The following CSMD1 variants were observed in gnomAD, a reference collection of about 807,000 sequenced individuals.
The protein encoded by CSMD1 is CUB and sushi domain-containing protein 1.
CSMD1 carries 213 observed loss-of-function variants against 417.5 expected under a neutral mutation model. The observed-to-expected ratio is 0.51, with a 90% CI of 0.46 to 0.57. The LOEUF (loss-of-function observed/expected upper bound fraction) is 0.57, where lower values mean the gene tolerates loss of function less well. CSMD1 is among the 20% of genes least tolerant of loss of function. The probability of loss-of-function intolerance (pLI) is 0.00; values close to 1 mark genes in which losing one functional copy is unlikely to be tolerated. For missense variants in CSMD1, 6,923 were observed against 4,529.7 expected (o/e 1.53, Z -15.17); for synonymous variants, 2,862 against 1,736.8 (o/e 1.65, Z -16.11).
intron 5 of CSMD1, among the ~76,000 whole-genome samples, chr8:3,946,586 A>G (rs975562817): frequency 7.9e-5 from 12 of 152,188 alleles, no homozygotes; most frequent in Admixed American, 3.3e-4. Flanking sequence ...AATAAATGAT[A>G]CATCCTTTTG....
intron 3 of CSMD1, among the ~76,000 whole-genome samples, chr8:4,376,395 C>G (rs1302613695): frequency 6.6e-6 from 1 of 152,110 alleles, no homozygotes; most frequent in African/African-American, 2.4e-5. Flanking sequence ...GTAACCCGTG[C>G]TGTGATTCTC....
intron 3 of CSMD1, among the ~76,000 whole-genome samples, chr8:4,404,884 T>A (rs1410414847): frequency 6.6e-6 from 1 of 152,150 alleles, no homozygotes; most frequent in Non-Finnish European, 1.5e-5. Flanking sequence ...ACTTCACATT[T>A]ATTTCGCTCA....
intron 6 of CSMD1, among the ~76,000 whole-genome samples, chr8:3,714,120 TATATAAC>T (rs1446216365): frequency 2.0e-5 from 3 of 150,178 alleles, no homozygotes; most frequent in East Asian, 1.9e-4. Flanking sequence ...AAAATATAAG[TATATAAC>T]ATATAAGTTT....
At chr8:3,869,733 C>T (rs958274049) in intron 5 of CSMD1, among the ~76,000 whole-genome samples, 1 of 151,974 alleles carries the variant, frequency 6.6e-6, no homozygotes, top group African/African-American at 2.4e-5. Context: ...CAGGACCCAC[C>T]CCAGCAGAAG....
chr8:3,782,177 T>C (rs1357945721), intron 5 of CSMD1, among the ~76,000 whole-genome samples: 1 of 152,178 alleles, frequency 6.6e-6, no homozygotes. Flanking sequence ...TCAAAGAAGT[T>C]CATGTCACAT....
intron 11 of CSMD1, among the ~76,000 whole-genome samples, chr8:3,472,121 C>T (rs1160553983): frequency 2.6e-5 from 4 of 152,088 alleles, no homozygotes; most frequent in Admixed American, 2.6e-4. Flanking sequence ...TCCCTGTGGG[C>T]AATCTGATAA....
chr8:4,126,851 G>C (rs1802792850), intron 3 of CSMD1, among the ~76,000 whole-genome samples: 1 of 152,120 alleles, frequency 6.6e-6, no homozygotes, highest in South Asian at 2.1e-4. Context: ...GTGGATGTTG[G>C]CAAAGATCAG....
At chr8:3,606,781 A>C (rs1006454086) in intron 8 of CSMD1, among the ~76,000 whole-genome samples, 2 of 148,514 alleles carry the variant, frequency 1.3e-5, no homozygotes, top group Non-Finnish European at 3.0e-5. Context: ...CGTGATCTCC[A>C]CTCAGCGCAA....
At chr8:4,042,682 T>C (rs1190445663) in intron 3 of CSMD1, among the ~76,000 whole-genome samples, 1 of 151,528 alleles carries the variant, frequency 6.6e-6, no homozygotes, top group African/African-American at 2.4e-5. Flanking sequence ...TAAAGCCAAA[T>C]AATATATATT....
At chr8:3,707,310 T>TTGAC (rs1801225443) in intron 7 of CSMD1, among the ~76,000 whole-genome samples, 2 of 151,900 alleles carry the variant, frequency 1.3e-5, no homozygotes, top group Non-Finnish European at 2.9e-5. Context: ...GTAAACAGAA[T>TTGAC]TGACCCGAGA....
In CSMD1 at chr8:4,084,732, C is replaced by G. The variant is rs532060997; in HGVS notation, c.416-52633G>C. On this transcript the variant is annotated intron_variant, in intron 3 of 69. Transcript: ENST00000635120. ...ACAGAAAAAGCAGCCCCTCTGCTCT[C>G]TTGCCCACCCCCACCCCCCTACCCA... Among the ~76,000 whole-genome samples the G allele has an allele frequency of 5.0e-3, 767 of 151,886 alleles. 5 individuals are homozygous for G. Among genetic ancestry groups the G allele is most frequent in the African/African-American group, 0.018 (732 of 41,368 alleles).
intron 2 of CSMD1, among the ~76,000 whole-genome samples, chr8:4,559,604 T>C (rs535037183): frequency 2.3e-4 from 35 of 152,332 alleles, no homozygotes; most frequent in African/African-American, 8.2e-4. Context: ...CAATGTTGTA[T>C]AAAATTATAA....
At chr8:4,861,733 A>G (rs997152190) in intron 1 of CSMD1, among the ~76,000 whole-genome samples, 1 of 152,152 alleles carries the variant, frequency 6.6e-6, no homozygotes, top group Non-Finnish European at 1.5e-5. Context: ...TACGTTAAAG[A>G]ATGTACAAAG....
At chr8:3,221,111 A>G (rs1798185193) in intron 28 of CSMD1, among the ~76,000 whole-genome samples, 1 of 152,136 alleles carries the variant, frequency 6.6e-6, no homozygotes, top group African/African-American at 2.4e-5. Flanking sequence ...TAAAATAGCA[A>G]CAGAAGTTCC....
At chr8:4,862,290 A>G (rs1462039528) in intron 1 of CSMD1, among the ~76,000 whole-genome samples, 4 of 152,080 alleles carry the variant, frequency 2.6e-5, no homozygotes, top group Admixed American at 1.3e-4. Context: ...AAGTGAGAGT[A>G]TCAATGTCCA....
At chr8:3,693,458 G>A (rs1177831253) in intron 7 of CSMD1, among the ~76,000 whole-genome samples, 1 of 152,128 alleles carries the variant, frequency 6.6e-6, no homozygotes, top group Non-Finnish European at 1.5e-5. Context: ...TTGATACGAG[G>A]AGTTGATACT....
chr8:4,187,083 C>A (rs1283491210), intron 3 of CSMD1, among the ~76,000 whole-genome samples: 1 of 152,204 alleles, frequency 6.6e-6, no homozygotes, highest in Non-Finnish European at 1.5e-5. Context: ...CAAACATTAT[C>A]TCTAAGGTCC....
chr8:3,118,027 C>T (rs986702970), intron 42 of CSMD1, among the ~76,000 whole-genome samples: 4 of 152,156 alleles, frequency 2.6e-5, no homozygotes, highest in African/African-American at 9.7e-5. Flanking sequence ...AATAAGTACC[C>T]TTTTTCCCTC....
intron 2 of CSMD1, among the ~76,000 whole-genome samples, chr8:4,438,041 C>T (rs775737269): frequency 1.3e-5 from 2 of 152,140 alleles, no homozygotes; most frequent in African/African-American, 4.8e-5. Flanking sequence ...TTCCAAGCCT[C>T]TTAGCTATGA....
Sources: allele counts gnomAD v4.1 joint callset (sites outside exome capture counted in the v4.1 genomes callset), GRCh38; gene constraint gnomAD v4.1.1; transcripts MANE v1.5; gene names NCBI Gene and HGNC (gene_info 2026-07-23, HGNC 2026-07-21).